Variants in BNIP2 observed in about 807,000 individuals in gnomAD.
BNIP2 encodes BCL2 interacting protein 2, also known as BCL2/adenovirus E1B 19 kDa protein-interacting protein 2.
A neutral mutation model predicts 43.4 loss-of-function variants in BNIP2; 36 were observed. The ratio of observed to expected loss-of-function variants is 0.83; its 90% confidence interval spans 0.64 to 1.10. The LOEUF (loss-of-function observed/expected upper bound fraction) is 1.10. Among genes scored for constraint, BNIP2 ranks in the 50% least tolerant of loss-of-function variants. BNIP2 has a pLI of 0.00. For missense variants in BNIP2, 417 were observed against 374.1 expected, an observed-to-expected ratio of 1.11 and a Z score of -0.95; for synonymous variants, 146 against 121.0, an observed-to-expected ratio of 1.21 and a Z score of -1.35.
At chr15:59,671,403 CCTCT>C (rs773036611) in intron 6 of BNIP2, 89 bp from the exon 7 acceptor site, 6 of 1,162,902 alleles carry the variant, frequency 5.2e-6, no homozygotes, top group Admixed American at 2.5e-5. Flanking sequence ...ACAATTCCTT[CCTCT>C]CTCCTACAAT....
intron 7 of BNIP2, among the ~76,000 whole-genome samples, chr15:59,669,990 G>T (rs1219700026): frequency 6.6e-6 from 1 of 152,116 alleles, no homozygotes; most frequent in East Asian, 1.9e-4. Flanking sequence ...CCTATTAATG[G>T]GTCTGACTTG....
intron 6 of BNIP2, among the ~76,000 whole-genome samples, chr15:59,671,714 C>A (rs1170130768): frequency 6.6e-6 from 1 of 152,202 alleles, no homozygotes; most frequent in Admixed American, 6.5e-5. Context: ...GGAAAAAGAA[C>A]TGATTTGGCT....
At chr15:59,676,663 G>C in intron 5 of BNIP2, 1 of 598,032 alleles carries the variant, frequency 1.7e-6, no homozygotes, top group Non-Finnish European at 3.0e-6. Flanking sequence ...GTTTCTAAAA[G>C]TATTTAGAAT....
At chr15:59,684,283 C>G (rs1419418872) in intron 1 of BNIP2, among the ~76,000 whole-genome samples, 1 of 152,202 alleles carries the variant, frequency 6.6e-6, no homozygotes, top group Non-Finnish European at 1.5e-5. Flanking sequence ...TCCACACCAA[C>G]TTATTTGCTT....
intron 5 of BNIP2, chr15:59,676,814 C>A: frequency 6.5e-7 from 1 of 1,535,450 alleles, no homozygotes; most frequent in Non-Finnish European, 8.8e-7. Flanking sequence ...CCTGCAGCGC[C>A]GCTACTACTT....
chr15:59,679,849 C>T lies in BNIP2; in HGVS notation c.119-81G>A. On this transcript the variant is annotated intron_variant, in intron 3 of 9. Coordinates refer to ENST00000607373, the MANE Select transcript of BNIP2 (RefSeq NM_004330.4). ...GTTGAATAAGAAAAATTTTAACTAC[C>T]CCATTCTTGGGAAAAAATAATATTA... is the stretch of plus-strand genomic sequence containing the variant. 2.5e-6 allele frequency: 3 copies of T among 1,209,258 alleles called. No homozygotes were observed. In the East Asian group the frequency reaches 8.5e-5, roughly 34 times the overall value. 74.9% of individuals were successfully genotyped at this position (1,209,258 alleles called of 1,614,324 possible).
intron 1 of BNIP2, chr15:59,688,539 G>A (rs1894168472): frequency 3.2e-6 from 2 of 628,468 alleles, no homozygotes; most frequent in Non-Finnish European, 5.4e-6. Context: ...CTCTCCAGCG[G>A]CATGAAATGC....
intron 1 of BNIP2, among the ~76,000 whole-genome samples, chr15:59,687,046 T>A (rs1894065355): frequency 6.6e-6 from 1 of 152,056 alleles, no homozygotes; most frequent in Non-Finnish European, 1.5e-5. Flanking sequence ...AAATAAATGT[T>A]AACACAAAAT....
At chr15:59,681,991 C>CT (rs6151488) in intron 2 of BNIP2, among the ~76,000 whole-genome samples, 49,981 of 151,914 alleles carry the variant, frequency 0.33, 8,549 homozygotes, top group East Asian at 0.54. Context: ...TCCGAAGAAA[C>CT]TTTACTTCCT....
At chr15:59,677,804 GTGTTC>G (rs1259106803) in intron 5 of BNIP2, 102 bp downstream of exon 5, 1 of 1,340,260 alleles carries the variant, frequency 7.5e-7, no homozygotes, top group Non-Finnish European at 9.9e-7. Context: ...CCTAGCGCCT[GTGTTC>G]TGTACAGGGC....
intron 5 of BNIP2, among the ~76,000 whole-genome samples, chr15:59,673,966 T>C (rs1438795754): frequency 6.6e-6 from 1 of 151,798 alleles, no homozygotes; most frequent in Non-Finnish European, 1.5e-5. Flanking sequence ...GGTGTGCACC[T>C]GTAGTCCCAG....
At chr15:59,683,884 G>T (rs1429815823) in intron 1 of BNIP2, among the ~76,000 whole-genome samples, 5 of 152,138 alleles carry the variant, frequency 3.3e-5, no homozygotes, top group Non-Finnish European at 5.9e-5. Context: ...TATACCATTT[G>T]ATTTTTAAAA....
At chr15:59,686,047 C>G (rs1250184844) in intron 1 of BNIP2, among the ~76,000 whole-genome samples, 1 of 152,150 alleles carries the variant, frequency 6.6e-6, no homozygotes, top group East Asian at 1.9e-4. Context: ...AATAGATTGA[C>G]TCTTGGTAGT....
chr15:59,671,212 G>T lies in BNIP2; in HGVS notation c.678C>A (p.Leu226=). The T allele has an allele frequency of 6.2e-7, 1 of 1,601,252 alleles. No homozygotes were observed. The highest frequency in any genetic ancestry group is 8.5e-7 in the Non-Finnish European group (1 of 1,173,090). ...TRRKMPSLGW[L]RKCYQQIDRR... ...TATCAATTTGCTGATAACATTTCCT[G>T]AGCCATCCCAGACTGGGCATTTTTC... The change falls in exon 7 of 10, where the codon CTC becomes CTA. Residue 226 remains leucine, a synonymous_variant. Coordinates refer to ENST00000607373, the MANE Select transcript of BNIP2 (RefSeq NM_004330.4).
At chr15:59,683,901 T>C (rs1566981302) in intron 1 of BNIP2, among the ~76,000 whole-genome samples, 1 of 152,216 alleles carries the variant, frequency 6.6e-6, no homozygotes, top group Non-Finnish European at 1.5e-5. Flanking sequence ...AAAACAATAC[T>C]ATCTGTGACT....
chr15:59,664,851 T>C (rs1301887986), intron 9 of BNIP2, among the ~76,000 whole-genome samples: 2 of 152,236 alleles, frequency 1.3e-5, no homozygotes, highest in African/African-American at 4.8e-5. Flanking sequence ...TATCAATCAA[T>C]ATTTTAAAAT....
chr15:59,677,888 GA>G, intron 5 of BNIP2, 22 bp downstream of exon 5: 1 of 1,577,908 alleles, frequency 6.3e-7, no homozygotes, highest in Non-Finnish European at 8.6e-7. Flanking sequence ...TAAACAATCT[GA>G]AAAATCCTCA....
rs1892999564 is a variant in BNIP2, at chr15:59,672,584, G to C, written c.575+53C>G. 6 of 1,342,616 alleles carry C rather than the reference G, an allele frequency of 4.5e-6. No individual in the cohort carries two copies. In the East Asian group the frequency reaches 1.4e-4, roughly 31 times the overall value. The allele number at this position is 1,342,616 out of a possible 1,614,324, so 83.2% of individuals were successfully genotyped here. A position where few individuals can be genotyped will look rare whatever the true frequency, so the allele number is the denominator to read the frequency against. On this transcript the variant is annotated intron_variant, in intron 6 of 9. Coordinates refer to ENST00000607373, the MANE Select transcript of BNIP2 (RefSeq NM_004330.4). ...AAAAGGTTAAGTTTCTTAAGGTGTAGATCTAATTAGCTCACAATTCTGTCC... is the reference window on the plus strand; with the variant it reads ...AAAAGGTTAAGTTTCTTAAGGTGTACATCTAATTAGCTCACAATTCTGTCC...
At chr15:59,676,803 C>G (rs572878211) in intron 5 of BNIP2, 1 of 1,524,174 alleles carries the variant, frequency 6.6e-7, no homozygotes, top group Admixed American at 2.0e-5. Context: ...GGCCGCCTGG[C>G]CCTGCAGCGC....
Sources: gnomAD v4.1 joint callset for allele counts (sites outside exome capture counted in the v4.1 genomes callset) on GRCh38, gnomAD v4.1.1 for gene constraint, MANE v1.5 for transcripts, NCBI Gene and HGNC (gene_info 2026-07-23, HGNC 2026-07-21) for gene names.